The following CTNNA1 variants were observed in gnomAD, a reference collection of about 807,000 sequenced individuals.
The protein encoded by CTNNA1 is catenin alpha 1.
Under a neutral mutation model 98.4 loss-of-function variants are expected in CTNNA1, and 37 were observed. That is an observed-to-expected ratio of 0.38 (90% confidence interval 0.29 to 0.49). The LOEUF (loss-of-function observed/expected upper bound fraction) is 0.49. CTNNA1 is among the 20% of genes least tolerant of loss of function. The probability of loss-of-function intolerance (pLI) is 0.95; values close to 1 mark genes in which losing one functional copy is unlikely to be tolerated. For synonymous variants in CTNNA1, 404 were observed against 413.2 expected (o/e 0.98, Z 0.27); for missense variants, 761 against 1,147.2 (o/e 0.66, Z 4.86).
At chr5:138,918,816 G>T (rs992821184) in intron 11 of CTNNA1, among the ~76,000 whole-genome samples, 6 of 152,214 alleles carry the variant, frequency 3.9e-5, no homozygotes, top group African/African-American at 1.4e-4. Context: ...CAGTGGCTAA[G>T]TTTTTGTAGG....
At chr5:138,795,289 G>A (rs189654306) in intron 3 of CTNNA1, among the ~76,000 whole-genome samples, 2 of 151,754 alleles carry the variant, frequency 1.3e-5, no homozygotes, top group Non-Finnish European at 1.5e-5. Flanking sequence ...GTGAGACCCC[G>A]TCTACTAAAA....
At chr5:138,762,061 T>A (rs1013020765) in intron 1 of CTNNA1, 1 of 152,240 alleles carries the variant, frequency 6.6e-6, no homozygotes, top group Admixed American at 6.5e-5. Context: ...TGGCCCACTT[T>A]GAAGTCCTAA....
intron 9 of CTNNA1, among the ~76,000 whole-genome samples, chr5:138,897,383 ATATTTT>A (rs1291961148): frequency 5.0e-5 from 7 of 139,722 alleles, no homozygotes; most frequent in Non-Finnish European, 6.0e-5. Context: ...TTTGAAATGT[ATATTTT>A]AACTGCAAAT....
chr5:138,826,801 G>T (rs780788791), intron 6 of CTNNA1, among the ~76,000 whole-genome samples: 3 of 152,182 alleles, frequency 2.0e-5, no homozygotes, highest in African/African-American at 4.8e-5. Context: ...GTGCGCACAC[G>T]TGTATATATT....
At chr5:138,880,950 C>T (rs1471770567) in intron 7 of CTNNA1, 4 of 416,558 alleles carry the variant, frequency 9.6e-6, no homozygotes, top group Non-Finnish European at 1.9e-5. Flanking sequence ...AAAAAAAACA[C>T]ATTGAATATG....
intron 12 of CTNNA1, among the ~76,000 whole-genome samples, 173 bp downstream of exon 12, chr5:138,924,883 A>G (rs1437780888): frequency 1.3e-5 from 2 of 152,196 alleles, no homozygotes; most frequent in East Asian, 3.8e-4. Context: ...CCTCACAAGC[A>G]TATTTTCTTC....
chr5:138,753,538 C>G, intron 1 of CTNNA1, 28 bp downstream of exon 1: 1 of 375,318 alleles, frequency 2.7e-6, no homozygotes, highest in East Asian at 3.8e-5. Flanking sequence ...TCCTCGCGGG[C>G]GCGGTCTCTC....
chr5:138,819,763 G>T (rs1202502447), intron 5 of CTNNA1, among the ~76,000 whole-genome samples: 1 of 149,796 alleles, frequency 6.7e-6, no homozygotes, highest in Non-Finnish European at 1.5e-5. Context: ...GAGTGATATT[G>T]TTTGGATTTG....
At chr5:138,879,799 C>T (rs1277020259) in intron 7 of CTNNA1, among the ~76,000 whole-genome samples, 1 of 152,120 alleles carries the variant, frequency 6.6e-6, no homozygotes, top group Non-Finnish European at 1.5e-5. Context: ...TGTTAGTAAA[C>T]ACAACTGAGA....
Position 138,828,344 on chromosome 5 carries a change from A to T in CTNNA1, c.1062+626A>T, listed in dbSNP as rs1242612988. ...GAATTTTGAAGGTTTGTGCATAAAA[A>T]CCCAGGCTATGAAATTTGATACCCA... is the stretch of plus-strand genomic sequence containing the variant. On this transcript the variant is annotated intron_variant, in intron 7 of 17. Transcript: ENST00000302763. 2.0e-5 allele frequency: 3 copies of T among 151,530 alleles called. No individual in the cohort carries two copies. In the East Asian group the frequency reaches 5.8e-4, roughly 29 times the overall value. 9.4% of individuals were successfully genotyped at this position (151,530 alleles called of 1,614,324 possible).
intron 1 of CTNNA1, among the ~76,000 whole-genome samples, chr5:138,767,069 C>T (rs1753015460): frequency 6.6e-6 from 1 of 152,118 alleles, no homozygotes; most frequent in Non-Finnish European, 1.5e-5. Context: ...AAGAGTCTCG[C>T]TCTGTCGTCC....
chr5:138,842,127 C>CT (rs1349138346), intron 7 of CTNNA1, among the ~76,000 whole-genome samples: 1 of 152,062 alleles, frequency 6.6e-6, no homozygotes, highest in Admixed American at 6.6e-5. Context: ...TGGCAAAACT[C>CT]TATCTCTATA....
At chr5:138,880,276 G>A (rs1752598872) in intron 7 of CTNNA1, 1 of 152,194 alleles carries the variant, frequency 6.6e-6, no homozygotes, top group Non-Finnish European at 1.5e-5. Flanking sequence ...CTCCCAGATA[G>A]CTGGGACTAC....
intron 3 of CTNNA1, among the ~76,000 whole-genome samples, chr5:138,790,039 A>G (rs777343681): frequency 3.6e-4 from 54 of 152,062 alleles, no homozygotes; most frequent in Non-Finnish European, 6.6e-4. Flanking sequence ...TTGCAGGGAG[A>G]TTAGTGTTAG....
At chr5:138,891,760 A>G (rs1755423306) in intron 9 of CTNNA1, among the ~76,000 whole-genome samples, 1 of 151,950 alleles carries the variant, frequency 6.6e-6, no homozygotes, top group African/African-American at 2.4e-5. Flanking sequence ...CGCCGTCTCA[A>G]AAAATAAATA....
chr5:138,785,633 T>C (rs929375369), intron 3 of CTNNA1, among the ~76,000 whole-genome samples: 1 of 152,152 alleles, frequency 6.6e-6, no homozygotes, highest in Non-Finnish European at 1.5e-5. Context: ...CGATCTTGGC[T>C]CACCGCAACC....
At chr5:138,756,322 T>A (rs1751642058) in intron 1 of CTNNA1, among the ~76,000 whole-genome samples, 1 of 152,012 alleles carries the variant, frequency 6.6e-6, no homozygotes, top group Non-Finnish European at 1.5e-5. Context: ...TCAGCCACCG[T>A]GCCCAGCCTG....
At position 138,933,885 on chromosome 5, in the gene CTNNA1, C is replaced by T. The variant is rs747946936; in HGVS notation, c.2517C>T (p.Ala839=). The T allele has an allele frequency of 2.7e-5, 43 of 1,614,082 alleles. No individual in the cohort carries two copies. The highest frequency in any genetic ancestry group is 3.1e-5 in the Non-Finnish European group (37 of 1,180,038). ...AGACAGTGAAGGCATCCTACGTCGC[C>T]TCTACCAAATACCAAAAGTCACAGG... ...VVQTVKASYV[A]STKYQKSQGM... Residue 839 remains alanine (A), a synonymous_variant, in exon 18 of 18, where the codon GCC becomes GCT. Coordinates refer to ENST00000302763, the MANE Select transcript of CTNNA1 (RefSeq NM_001903.5).
rs2149932906 is a variant in CTNNA1, at chr5:138,873,803, C to T, written c.1063-12409C>T. ...AGTCAGGTCTAGCTTTTCTAAAGTG[C>T]CCCAGGTCCACTCCATCCCACATGT... is the stretch of plus-strand genomic sequence containing the variant. On this transcript the variant is annotated intron_variant, in intron 7 of 17. Coordinates refer to ENST00000302763, the MANE Select transcript of CTNNA1 (RefSeq NM_001903.5). The surrounding 1 kb of genome is among the most constrained non-coding windows in gnomAD (Gnocchi z 6.1). The T allele has an allele frequency of 1.9e-6, 3 of 1,613,988 alleles. No homozygotes were observed. In the East Asian group the frequency reaches 6.7e-5, roughly 36 times the overall value.
Sources: allele counts gnomAD v4.1 joint callset (sites outside exome capture counted in the v4.1 genomes callset), GRCh38; gene constraint gnomAD v4.1.1; non-coding constraint Gnocchi (gnomAD v3.1); transcripts MANE v1.5; gene names NCBI Gene and HGNC (gene_info 2026-07-23, HGNC 2026-07-21).